The following AGMO variants were observed in gnomAD, a reference collection of about 807,000 sequenced individuals.
AGMO encodes the protein glyceryl-ether monooxygenase.
A neutral mutation model predicts 60.2 loss-of-function variants in AGMO; 75 were observed. The observed-to-expected ratio is 1.25, with a 90% CI of 1.03 to 1.51. AGMO has a LOEUF of 1.51. Ranked by LOEUF, AGMO falls within the 40% of genes most tolerant of loss-of-function variation. AGMO has a pLI of 0.00. For synonymous variants in AGMO, 261 were observed against 177.1 expected, an observed-to-expected ratio of 1.47 and a Z score of -3.76; for missense variants, 763 against 525.5, an observed-to-expected ratio of 1.45 and a Z score of -4.42.
chr7:15,273,552 G>A (rs1783681236), intron 12 of AGMO, among the ~76,000 whole-genome samples: 1 of 152,176 alleles, frequency 6.6e-6, no homozygotes, highest in South Asian at 2.1e-4. Flanking sequence ...AAGTCAGGTA[G>A]TGTGATGCCT....
At chr7:15,348,337 C>G (rs568922398) in intron 12 of AGMO, among the ~76,000 whole-genome samples, 11 of 151,928 alleles carry the variant, frequency 7.2e-5, no homozygotes, top group Non-Finnish European at 1.5e-4. Flanking sequence ...ATGATCCTGG[C>G]CGGAGATAAG....
intron 3 of AGMO, among the ~76,000 whole-genome samples, chr7:15,480,281 A>G (rs947066970): frequency 1.3e-5 from 2 of 152,166 alleles, no homozygotes; most frequent in East Asian, 3.9e-4. Context: ...ATCAGTAGAG[A>G]TAAGTTCTGT....
chr7:15,526,052 C>T (rs1447573115), intron 3 of AGMO, among the ~76,000 whole-genome samples: 1 of 152,174 alleles, frequency 6.6e-6, no homozygotes, highest in African/African-American at 2.4e-5. Flanking sequence ...CACTCACACA[C>T]CTCCTCCCAC....
At chr7:15,517,891 C>G (rs756884067) in intron 3 of AGMO, among the ~76,000 whole-genome samples, 1 of 152,128 alleles carries the variant, frequency 6.6e-6, no homozygotes, top group African/African-American at 2.4e-5. Context: ...GATCCCACCC[C>G]CATGGAGCCC....
chr7:15,275,861 C>T (rs1412309307), intron 12 of AGMO, among the ~76,000 whole-genome samples: 1 of 151,840 alleles, frequency 6.6e-6, no homozygotes, highest in East Asian at 1.9e-4. Flanking sequence ...GTTATTCCTG[C>T]TTGCATTTGT....
At chr7:15,405,490 C>T (rs1010409146) in intron 5 of AGMO, among the ~76,000 whole-genome samples, 1 of 151,916 alleles carries the variant, frequency 6.6e-6, no homozygotes, top group Admixed American at 6.6e-5. Context: ...TGGAAGGGAG[C>T]AATCATTCTG....
intron 3 of AGMO, among the ~76,000 whole-genome samples, chr7:15,463,842 A>C (rs1303033137): frequency 2.0e-5 from 3 of 152,220 alleles, no homozygotes; most frequent in African/African-American, 7.2e-5. Flanking sequence ...TGACCATTTC[A>C]AACAATTATG....
chr7:15,347,369 C>T (rs1563100562), intron 12 of AGMO, among the ~76,000 whole-genome samples: 1 of 151,974 alleles, frequency 6.6e-6, no homozygotes, highest in Non-Finnish European at 1.5e-5. Context: ...TATAAAATAG[C>T]ACAACTGATG....
chr7:15,390,634 A>C (rs6942879), intron 8 of AGMO, 37 bp downstream of exon 8: 505,103 of 1,403,290 alleles, frequency 0.36, 92,553 homozygotes, highest in Middle Eastern at 0.44. Context: ...TTATGAAATG[A>C]TATAAATGAA....
At chr7:15,555,156 T>C (rs1785092305) in intron 2 of AGMO, among the ~76,000 whole-genome samples, 1 of 151,752 alleles carries the variant, frequency 6.6e-6, no homozygotes, top group South Asian at 2.1e-4. Flanking sequence ...AATTAGATAT[T>C]TTTATTTCTA....
At chr7:15,322,886 C>T (rs1354692304) in intron 12 of AGMO, among the ~76,000 whole-genome samples, 1 of 144,960 alleles carries the variant, frequency 6.9e-6, no homozygotes, top group Non-Finnish European at 1.5e-5. Context: ...AAAACTCTTT[C>T]TTGATACAGG....
At chr7:15,270,596 A>ATTTTTTTTTTTTTTTTTTGTTTTTTTTTT (rs1783573143) in intron 12 of AGMO, among the ~76,000 whole-genome samples, 1 of 48,032 alleles carries the variant, frequency 2.1e-5, no homozygotes, top group Non-Finnish European at 3.9e-5. Flanking sequence ...TCTGTTGATA[A>ATTTTTTTTTTTTTTTTTTGTTTTTTTTTT]TTTTTTTTTT....
chr7:15,235,448 T>G (rs960216827), intron 12 of AGMO, among the ~76,000 whole-genome samples: 11 of 152,142 alleles, frequency 7.2e-5, no homozygotes, highest in Non-Finnish European at 1.5e-4. Context: ...ATTTAAGGTT[T>G]CTTCATTTAT....
At chr7:15,133,503 G>GA in the AGMO span, among the ~76,000 whole-genome samples, 1 of 138,804 alleles carries the variant, frequency 7.2e-6, no homozygotes, top group Non-Finnish European at 1.6e-5. Context: ...CCATTAGCTG[G>GA]AGGCTAAAAT....
At chr7:15,438,031 G>A (rs894936263) in intron 3 of AGMO, among the ~76,000 whole-genome samples, 19 of 151,936 alleles carry the variant, frequency 1.3e-4, no homozygotes, top group Non-Finnish European at 2.2e-4. Flanking sequence ...GTTCTAGTAT[G>A]CAGAATTTAA....
chr7:15,214,715 A>G (rs1271653912), intron 12 of AGMO, among the ~76,000 whole-genome samples: 2 of 152,038 alleles, frequency 1.3e-5, no homozygotes, highest in Non-Finnish European at 2.9e-5. Context: ...TTACTCGAAT[A>G]CATTTTTAAA....
intron 12 of AGMO, among the ~76,000 whole-genome samples, chr7:15,236,080 T>C (rs1782412463): frequency 6.6e-6 from 1 of 152,144 alleles, no homozygotes; most frequent in Non-Finnish European, 1.5e-5. Context: ...TACTGTTCTC[T>C]ATTTCCTGAG....
chr7:15,462,323 T>G (rs1782163815), intron 3 of AGMO, among the ~76,000 whole-genome samples: 1 of 152,276 alleles, frequency 6.6e-6, no homozygotes, highest in Non-Finnish European at 1.5e-5. Flanking sequence ...CAGAGACAGA[T>G]TCAAGCTTAG....
intron 12 of AGMO, among the ~76,000 whole-genome samples, chr7:15,290,809 T>C (rs1170144115): frequency 6.6e-6 from 1 of 152,182 alleles, no homozygotes; most frequent in Admixed American, 6.5e-5. Flanking sequence ...ATCTGAATGA[T>C]AGTTAAAAAC....
Sources: gnomAD v4.1 joint callset for allele counts (sites outside exome capture counted in the v4.1 genomes callset) on GRCh38, gnomAD v4.1.1 for gene constraint, MANE v1.5 for transcripts, NCBI Gene and HGNC (gene_info 2026-07-23, HGNC 2026-07-21) for gene names.